OLA1: variants seen among roughly 807,000 people sequenced by gnomAD.
OLA1 encodes Obg like ATPase 1, also known as obg-like ATPase 1.
Under a neutral mutation model 48.4 loss-of-function variants are expected in OLA1, and 14 were observed. That is an observed-to-expected ratio of 0.29 (90% CI 0.19 to 0.45). The LOEUF (loss-of-function observed/expected upper bound fraction) is 0.45, where lower values mean the gene tolerates loss of function less well. OLA1 is among the 20% of genes least tolerant of loss of function. The pLI is 1.00. For synonymous variants in OLA1, 127 were observed against 150.4 expected (o/e 0.84, Z 1.14); for missense variants, 325 against 467.1 (o/e 0.70, Z 2.80).
chr2:174,083,553 G>C (rs1431313877), intron 7 of OLA1, among the ~76,000 whole-genome samples: 1 of 151,844 alleles, frequency 6.6e-6, no homozygotes, highest in Non-Finnish European at 1.5e-5. Context: ...ATTCAAACTA[G>C]ATGTTTTCTT....
At chr2:174,076,725 C>T (rs914464323) in intron 10 of OLA1, among the ~76,000 whole-genome samples, 3 of 151,226 alleles carry the variant, frequency 2.0e-5, no homozygotes, top group Non-Finnish European at 4.4e-5. Flanking sequence ...GCCAACGTAA[C>T]GTACCCTACA....
intron 4 of OLA1, among the ~76,000 whole-genome samples, chr2:174,203,360 C>T (rs1457992457): frequency 2.6e-5 from 4 of 151,944 alleles, no homozygotes; most frequent in African/African-American, 4.8e-5. Context: ...AAATTCAATT[C>T]GTAAAGATTA....
chr2:174,117,746 C>T (rs1685816925), intron 7 of OLA1, among the ~76,000 whole-genome samples: 1 of 152,150 alleles, frequency 6.6e-6, no homozygotes, highest in Admixed American at 6.6e-5. Context: ...CCACCCTTCT[C>T]CCAGGAAAAC....
chr2:174,090,721 A>G (rs1042265077), intron 7 of OLA1, among the ~76,000 whole-genome samples: 1 of 152,220 alleles, frequency 6.6e-6, no homozygotes, highest in African/African-American at 2.4e-5. Context: ...AATCATAGGA[A>G]CACTTAATTA....
chr2:174,234,954 T>C (rs1335925830), intron 2 of OLA1, among the ~76,000 whole-genome samples: 3 of 151,868 alleles, frequency 2.0e-5, no homozygotes, highest in Non-Finnish European at 4.4e-5. Flanking sequence ...AGGTCAGGAG[T>C]TTAAGACCAA....
At chr2:174,139,055 T>C (rs1686377649) in intron 5 of OLA1, among the ~76,000 whole-genome samples, 1 of 152,236 alleles carries the variant, frequency 6.6e-6, no homozygotes, top group Non-Finnish European at 1.5e-5. Flanking sequence ...TACATACACT[T>C]AAATAGATTT....
intron 3 of OLA1, among the ~76,000 whole-genome samples, chr2:174,224,224 T>A (rs973971932): frequency 6.6e-6 from 1 of 152,114 alleles, no homozygotes; most frequent in Non-Finnish European, 1.5e-5. Flanking sequence ...TAAAACCACA[T>A]AAATGTGGTT....
intron 4 of OLA1, among the ~76,000 whole-genome samples, chr2:174,144,944 AAAAAAAAAT>A (rs1686549444): frequency 1.3e-5 from 1 of 76,342 alleles, no homozygotes; most frequent in African/African-American, 4.3e-5. Context: ...AAAAAAAAAA[AAAAAAAAAT>A]ATATATATAT....
At chr2:174,115,967 C>T (rs1384422848) in intron 7 of OLA1, among the ~76,000 whole-genome samples, 1 of 152,162 alleles carries the variant, frequency 6.6e-6, no homozygotes, top group Non-Finnish European at 1.5e-5. Context: ...ATACATGACA[C>T]ACAGAAGGGC....
chr2:174,192,890 A>G (rs1196794558), intron 4 of OLA1, among the ~76,000 whole-genome samples: 1 of 152,050 alleles, frequency 6.6e-6, no homozygotes, highest in Non-Finnish European at 1.5e-5. Flanking sequence ...ACATAATGTT[A>G]CCTTTTTCTC....
At chr2:174,206,392 A>AAAC (rs1559004743) in intron 4 of OLA1, among the ~76,000 whole-genome samples, 12 of 152,106 alleles carry the variant, frequency 7.9e-5, no homozygotes, top group African/African-American at 2.4e-4. Context: ...AACAAACAAA[A>AAAC]AAAAACTGAT....
At chr2:174,196,053 T>C (rs1271519811) in intron 4 of OLA1, among the ~76,000 whole-genome samples, 1 of 152,150 alleles carries the variant, frequency 6.6e-6, no homozygotes, top group African/African-American at 2.4e-5. Context: ...TGCATTGGTA[T>C]GGTTCTCTAA....
Position 174,075,336 on chromosome 2 carries a change from T to C in OLA1, c.*90A>G. 2 of 708,190 alleles carry C rather than the reference T, an allele frequency of 2.8e-6. No homozygotes were observed. Among genetic ancestry groups the C allele is most frequent in the Non-Finnish European group, 4.9e-6 (2 of 410,580 alleles). The allele number at this position is 708,190 out of a possible 1,614,324, so 43.9% of individuals were successfully genotyped here. A position where few individuals can be genotyped will look rare whatever the true frequency, so the allele number is the denominator to read the frequency against. On this transcript the variant is annotated 3_prime_UTR_variant, in exon 11 of 11. Coordinates refer to ENST00000284719, the MANE Select transcript of OLA1 (RefSeq NM_013341.5). Reference sequence around the variant, plus strand: ...TCAAAGATTCCCATCTCCCCAACTTTATTTGTCGCATTGGTTTTCAGAAAT... The same window carrying C: ...TCAAAGATTCCCATCTCCCCAACTTCATTTGTCGCATTGGTTTTCAGAAAT...
intron 4 of OLA1, among the ~76,000 whole-genome samples, chr2:174,165,388 T>C (rs1270212646): frequency 6.6e-6 from 1 of 152,218 alleles, no homozygotes; most frequent in African/African-American, 2.4e-5. Context: ...AACAGTCCTG[T>C]CTTCAGAAAT....
chr2:174,121,682 A>G (rs1685917678), intron 7 of OLA1, among the ~76,000 whole-genome samples: 1 of 152,214 alleles, frequency 6.6e-6, no homozygotes, highest in East Asian at 1.9e-4. Context: ...GGCTATAACC[A>G]TGTCATCATC....
Position 174,229,439 on chromosome 2 carries a change from G to C in OLA1, c.114C>G (p.Phe38Leu). 6.2e-7 allele frequency: 1 copy of C among 1,607,834 alleles called. No homozygotes were observed. The highest frequency in any genetic ancestry group is 8.5e-7 in the Non-Finnish European group (1 of 1,178,318). ...CCTGACTATTGGTTAACACATTGAA[G>C]AAAGTAGATTTCCTAAAACAAATAA... ...VGLPNVGKST[F>L]FNVLTNSQAS... Residue 38 changes from phenylalanine (F) to leucine (L), a missense_variant, in exon 3 of 11, where the codon TTC becomes TTG. Phe to Leu is a conservative substitution (Grantham distance 22). Transcript: ENST00000284719.
intron 7 of OLA1, among the ~76,000 whole-genome samples, chr2:174,098,960 T>C (rs981974456): frequency 1.3e-5 from 2 of 152,180 alleles, no homozygotes; most frequent in African/African-American, 4.8e-5. Flanking sequence ...CATTTTTTTT[T>C]CTTTTCCTCC....
chr2:174,246,375 C>T (rs1689127605), intron 2 of OLA1, among the ~76,000 whole-genome samples: 1 of 152,064 alleles, frequency 6.6e-6, no homozygotes, highest in South Asian at 2.1e-4. Context: ...GATTTAGACT[C>T]TTTATAACAG....
chr2:174,081,211 G>A lies in OLA1; in HGVS notation c.907C>T (p.Leu303Phe). ...PKIIKAGFAALQLEYFFTAGP... is the reference protein window; with the variant it reads ...PKIIKAGFAAFQLEYFFTAGP... ...GCAGTGAAAAAGTATTCTAGTTGGA[G>A]TGCTGCAAACCCAGCCTTAATGATC... Residue 303 changes from leucine (L) to phenylalanine (F), a missense_variant, in exon 9 of 11, where the codon CTC becomes TTC. Leu to Phe is a conservative substitution (Grantham distance 22). Transcript: ENST00000284719. 6.2e-7 allele frequency: 1 copy of A among 1,611,380 alleles called. No homozygotes were observed. Among genetic ancestry groups the A allele is most frequent in the Non-Finnish European group, 8.5e-7 (1 of 1,179,040 alleles).
Sources: gnomAD v4.1 joint callset for allele counts (sites outside exome capture counted in the v4.1 genomes callset) on GRCh38, gnomAD v4.1.1 for gene constraint, MANE v1.5 for transcripts, NCBI Gene and HGNC (gene_info 2026-07-23, HGNC 2026-07-21) for gene names.